Variants in MGST1 observed in about 807,000 individuals in gnomAD.
The protein encoded by MGST1 is glutathione S-transferase 12.
Under a neutral mutation model 8.9 loss-of-function variants are expected in MGST1, and 5 were observed. The ratio of observed to expected loss-of-function variants is 0.56; its 90% CI spans 0.29 to 1.19. The LOEUF is 1.19. Among genes scored for constraint, MGST1 ranks in the 50% most tolerant of loss-of-function variants. The probability of loss-of-function intolerance (pLI) is 0.08; values close to 1 mark genes in which losing one functional copy is unlikely to be tolerated. For missense variants in MGST1, 182 were observed against 187.4 expected, an observed-to-expected ratio of 0.97 and a Z score of 0.17; for synonymous variants, 54 against 67.8, an observed-to-expected ratio of 0.80 and a Z score of 1.00.
Position 16,514,636 on chromosome 12 carries a change from A to C in MGST1, n.483-74892A>C, listed in dbSNP as rs537593170. On this transcript the variant is annotated intron_variant and non_coding_transcript_variant, in intron 4 of 4. Transcript: ENST00000538857. ...GGGGTCACCTCCAGCAATGTGGGCTACCTTGTCCATACCATTCACCAGGTC... is the reference window on the plus strand; with the variant it reads ...GGGGTCACCTCCAGCAATGTGGGCTCCCTTGTCCATACCATTCACCAGGTC... Among the ~76,000 whole-genome samples, 10 of 149,886 alleles carry C rather than the reference A, an allele frequency of 6.7e-5. No homozygotes were observed. The South Asian group carries it at 2.5e-3, about 37-fold the overall frequency.
In MGST1 at chr12:16,385,455, T is replaced by C. The variant is rs1366349241; in HGVS notation, n.778+1851T>C. On this transcript the variant is annotated intron_variant and non_coding_transcript_variant, in intron 1 of 1. Transcript: ENST00000359720. The stretch of plus-strand genomic sequence containing the variant: ...ATGAATTGTATATAATATTTGATCT[T>C]ATTACACATAGAAATGGCAAAAATC... Among the ~76,000 whole-genome samples the C allele has an allele frequency of 3.9e-5, 6 of 152,208 alleles. No individual in the cohort carries two copies. The East Asian group carries it at 9.6e-4, about 24-fold the overall frequency.
At chr12:16,530,809 G>A (rs1941717895) in intron 4 of MGST1, among the ~76,000 whole-genome samples, 1 of 151,942 alleles carries the variant, frequency 6.6e-6, no homozygotes, top group Admixed American at 6.6e-5. Context: ...CTCATTATTT[G>A]AATGAAGGAA....
intron 1 of MGST1, chr12:16,399,260 G>T: frequency 6.3e-7 from 1 of 1,599,812 alleles, no homozygotes; most frequent in South Asian, 1.1e-5. Flanking sequence ...GGAGCTCAGG[G>T]CCAAAGTTCA....
At chr12:16,457,152 C>T (rs1941180681) in intron 4 of MGST1, among the ~76,000 whole-genome samples, 1 of 151,966 alleles carries the variant, frequency 6.6e-6, no homozygotes, top group African/African-American at 2.4e-5. Context: ...AAATAACTGA[C>T]ATCACTTTAA....
intron 4 of MGST1, among the ~76,000 whole-genome samples, chr12:16,562,487 T>C (rs566943276): frequency 6.6e-6 from 1 of 152,222 alleles, no homozygotes; most frequent in Non-Finnish European, 1.5e-5. Flanking sequence ...CCCATTTCAA[T>C]TGCTCTCGCT....
chr12:16,547,906 A>G lies in MGST1; in HGVS notation n.483-41622A>G, dbSNP rs894583841. On this transcript the variant is annotated intron_variant and non_coding_transcript_variant, in intron 4 of 4. Coordinates refer to the MGST1 transcript ENST00000538857. This position sits in a 1 kb window ranked among gnomAD's most constrained non-coding sequence, Gnocchi z 4.6. ...CAGAGAGTGGTTTGCCTAAAGTGATAGTTAAAAGGAAAACACTTTTGCATG... is the reference window on the plus strand; with the variant it reads ...CAGAGAGTGGTTTGCCTAAAGTGATGGTTAAAAGGAAAACACTTTTGCATG... 6.6e-6 allele frequency among the ~76,000 whole-genome samples: 1 copy of G among 152,186 alleles called. No homozygotes were observed. The highest frequency in any genetic ancestry group is 1.5e-5 in the Non-Finnish European group (1 of 68,022).
At chr12:16,439,796 A>G (rs1299239372), downstream of MGST1, among the ~76,000 whole-genome samples, 6 of 151,814 alleles carry the variant, frequency 4.0e-5, no homozygotes, top group Non-Finnish European at 8.8e-5. Flanking sequence ...TAAATCAACA[A>G]TTAGAAACCT....
chr12:16,550,495 C>G (rs1441058611), intron 4 of MGST1: 1 of 152,314 alleles, frequency 6.6e-6, no homozygotes, highest in Non-Finnish European at 1.5e-5. Flanking sequence ...TAAAGTTATT[C>G]TAAAAATGGC....
rs1375852308 is a variant in MGST1 at position 16,458,153 on chromosome 12, T to G, written n.482+74549T>G. On this transcript the variant is annotated intron_variant and non_coding_transcript_variant, in intron 4 of 4. Transcript: ENST00000538857. The surrounding 1 kb of genome is among the most constrained non-coding windows in gnomAD (Gnocchi z 4.0). Reference sequence around the variant, plus strand: ...CGAGGGTTACTGCATATTAATACTTTGGGAATAAAGATGGGAATGTTGTGC... The same window carrying G: ...CGAGGGTTACTGCATATTAATACTTGGGGAATAAAGATGGGAATGTTGTGC... Among the ~76,000 whole-genome samples the G allele has an allele frequency of 1.3e-5, 2 of 151,964 alleles. No homozygotes were observed. Among genetic ancestry groups the G allele is most frequent in the Non-Finnish European group, 2.9e-5 (2 of 67,936 alleles).
chr12:16,375,561 T>C (rs573754670), intron 3 of MGST1, among the ~76,000 whole-genome samples: 1 of 151,960 alleles, frequency 6.6e-6, no homozygotes, highest in South Asian at 2.1e-4. Context: ...TTGGTAGTAG[T>C]GTTGATATTA....
At chr12:16,445,634 A>C (rs1941074102) in intron 4 of MGST1, among the ~76,000 whole-genome samples, 1 of 151,950 alleles carries the variant, frequency 6.6e-6, no homozygotes, top group African/African-American at 2.4e-5. Flanking sequence ...ATAGTGAAGA[A>C]TTCATTCGCT....
downstream of MGST1, among the ~76,000 whole-genome samples, chr12:16,377,492 C>A (rs1265925110): frequency 1.3e-5 from 2 of 151,962 alleles, no homozygotes; most frequent in Non-Finnish European, 2.9e-5. Flanking sequence ...TTTTTTATGG[C>A]TGCATAGTAT....
At chr12:16,564,221 T>C (rs1437372455) in intron 4 of MGST1, among the ~76,000 whole-genome samples, 1 of 152,190 alleles carries the variant, frequency 6.6e-6, no homozygotes, top group African/African-American at 2.4e-5. Flanking sequence ...GAACACGGCC[T>C]ACCTGTATGC....
At chr12:16,395,804 T>TATATATATATATATATAC (rs1338860243) in intron 1 of MGST1, among the ~76,000 whole-genome samples, 6 of 123,746 alleles carry the variant, frequency 4.8e-5, no homozygotes, top group East Asian at 5.7e-4. Flanking sequence ...TATATATATA[T>TATATATATATATATATAC]ACACACACAC....
At chr12:16,552,816 G>A (rs1200522838) in intron 4 of MGST1, among the ~76,000 whole-genome samples, 1 of 151,986 alleles carries the variant, frequency 6.6e-6, no homozygotes, top group African/African-American at 2.4e-5. Context: ...TGTATTAGTT[G>A]TAACCTGTAT....
At chr12:16,566,372 A>G (rs1038577059) in intron 4 of MGST1, among the ~76,000 whole-genome samples, 1 of 151,964 alleles carries the variant, frequency 6.6e-6, no homozygotes, top group African/African-American at 2.4e-5. Flanking sequence ...AAATTACTGT[A>G]TATTATAAAA....
downstream of MGST1, among the ~76,000 whole-genome samples, chr12:16,382,142 A>G (rs186507196): frequency 1.3e-5 from 2 of 152,006 alleles, no homozygotes; most frequent in Non-Finnish European, 2.9e-5. Flanking sequence ...TCAACTCATC[A>G]AAGTCATTCT....
At chr12:16,449,049 C>T (rs752504006) in intron 4 of MGST1, among the ~76,000 whole-genome samples, 2 of 151,900 alleles carry the variant, frequency 1.3e-5, no homozygotes, top group Admixed American at 1.3e-4. Context: ...TGCAGTCTTA[C>T]GTTGAACTCT....
intron 4 of MGST1, among the ~76,000 whole-genome samples, chr12:16,508,281 C>A (rs1941553792): frequency 6.6e-6 from 1 of 152,144 alleles, no homozygotes; most frequent in Non-Finnish European, 1.5e-5. Context: ...TTCATTAGAA[C>A]TCAGCTCAAA....
Sources: allele counts gnomAD v4.1 joint callset (sites outside exome capture counted in the v4.1 genomes callset), GRCh38; gene constraint gnomAD v4.1.1; non-coding constraint Gnocchi (gnomAD v3.1); transcripts MANE v1.5; gene names NCBI Gene and HGNC (gene_info 2026-07-23, HGNC 2026-07-21).